The following FSTL4 variants were observed in gnomAD, a reference collection of about 807,000 sequenced individuals.
The protein encoded by FSTL4 is follistatin like 4, also known as follistatin-related protein 4.
A neutral mutation model predicts 78.2 loss-of-function variants in FSTL4; 28 were observed. The observed-to-expected ratio is 0.36, with a 90% CI of 0.27 to 0.49. The LOEUF (loss-of-function observed/expected upper bound fraction) is 0.49. Among genes scored for constraint, FSTL4 ranks in the 20% least tolerant of loss-of-function variants. The pLI, the probability that FSTL4 is intolerant of heterozygous loss-of-function variation, is 0.98. For missense variants in FSTL4, 922 were observed against 1,084.9 expected (o/e 0.85, Z 2.11); for synonymous variants, 422 against 440.5 (o/e 0.96, Z 0.53).
chr5:133,506,439 C>G (rs955230469), intron 3 of FSTL4, among the ~76,000 whole-genome samples: 1 of 151,924 alleles, frequency 6.6e-6, no homozygotes, highest in Non-Finnish European at 1.5e-5. Flanking sequence ...CAGCTCCACT[C>G]GAGAGGAATG....
At chr5:133,658,518 A>C in the FSTL4 span, among the ~76,000 whole-genome samples, 1 of 152,102 alleles carries the variant, frequency 6.6e-6, no homozygotes, top group Admixed American at 6.5e-5. Context: ...ATTTTTAAAA[A>C]TTTGCATTTC....
chr5:133,548,096 T>C (rs1308236471), intron 3 of FSTL4, among the ~76,000 whole-genome samples: 1 of 152,214 alleles, frequency 6.6e-6, no homozygotes, highest in African/African-American at 2.4e-5. Flanking sequence ...TCCCAGACCT[T>C]GCTCTATGTA....
the FSTL4 span, among the ~76,000 whole-genome samples, chr5:133,703,246 C>A: frequency 1.7e-3 from 255 of 152,316 alleles, no homozygotes; most frequent in Middle Eastern, 0.01. Flanking sequence ...CTCTGCATCT[C>A]CTCAAATTCC....
intron 3 of FSTL4, among the ~76,000 whole-genome samples, chr5:133,546,276 G>A (rs1759570535): frequency 6.6e-6 from 1 of 152,144 alleles, no homozygotes; most frequent in South Asian, 2.1e-4. Context: ...GGAGGCCAAG[G>A]TGGGTGGATT....
At chr5:133,541,891 G>A (rs1439186135) in intron 3 of FSTL4, among the ~76,000 whole-genome samples, 2 of 150,666 alleles carry the variant, frequency 1.3e-5, no homozygotes, top group East Asian at 3.9e-4. Context: ...CACTGCTTCT[G>A]TGCCTTCTCA....
chr5:133,784,226 T>G, the FSTL4 span, among the ~76,000 whole-genome samples: 1 of 152,132 alleles, frequency 6.6e-6, no homozygotes, highest in Admixed American at 6.5e-5. Context: ...TTAAAGTAGA[T>G]GGGTAGGGTA....
chr5:133,757,136 GTCCTGCACAAA>G, the FSTL4 span, among the ~76,000 whole-genome samples: 1 of 152,114 alleles, frequency 6.6e-6, no homozygotes, highest in South Asian at 2.1e-4. Context: ...TGCACAAATG[GTCCTGCACAAA>G]TCCTGCACAA....
chr5:133,682,616 T>G, the FSTL4 span, among the ~76,000 whole-genome samples: 1 of 152,194 alleles, frequency 6.6e-6, no homozygotes, highest in East Asian at 1.9e-4. Flanking sequence ...CAACCCAATT[T>G]GTGCACCATT....
At chr5:133,527,467 AC>A (rs1325583940) in intron 3 of FSTL4, among the ~76,000 whole-genome samples, 1 of 127,002 alleles carries the variant, frequency 7.9e-6, no homozygotes, top group African/African-American at 2.8e-5. Flanking sequence ...TGAGATGTGC[AC>A]GTGTACACAC....
intron 7 of FSTL4, among the ~76,000 whole-genome samples, chr5:133,239,159 C>T (rs907425130): frequency 8.5e-5 from 13 of 152,208 alleles, no homozygotes; most frequent in African/African-American, 1.9e-4. Flanking sequence ...GATTTCTTGC[C>T]GGGCCTTAGC....
chr5:133,823,203 G>A, the FSTL4 span, among the ~76,000 whole-genome samples: 10 of 152,112 alleles, frequency 6.6e-5, no homozygotes, highest in Non-Finnish European at 1.5e-4. Context: ...GGTGCTCCTG[G>A]GCCATTCATA....
the FSTL4 span, among the ~76,000 whole-genome samples, chr5:133,807,152 G>A: frequency 1.3e-5 from 2 of 152,236 alleles, no homozygotes; most frequent in African/African-American, 4.8e-5. Context: ...TGGGTCAGAA[G>A]AGGAGGCTAG....
chr5:133,524,316 G>C (rs1759045641), intron 3 of FSTL4, among the ~76,000 whole-genome samples: 1 of 152,174 alleles, frequency 6.6e-6, no homozygotes, highest in Admixed American at 6.5e-5. Flanking sequence ...GACAATTTAG[G>C]AAGATAAATC....
intron 3 of FSTL4, among the ~76,000 whole-genome samples, chr5:133,412,338 A>C (rs970166583): frequency 6.6e-6 from 1 of 152,150 alleles, no homozygotes; most frequent in African/African-American, 2.4e-5. Context: ...ATAAAATAGA[A>C]AACAGGATCC....
At chr5:133,659,204 C>T in the FSTL4 span, among the ~76,000 whole-genome samples, 20 of 152,038 alleles carry the variant, frequency 1.3e-4, no homozygotes, top group African/African-American at 4.8e-4. Flanking sequence ...TGTATTAAAA[C>T]CTGCAGCTAT....
At chr5:133,597,816 G>T (rs995808437) in intron 2 of FSTL4, among the ~76,000 whole-genome samples, 5 of 152,218 alleles carry the variant, frequency 3.3e-5, no homozygotes, top group African/African-American at 1.2e-4. Context: ...CTGGGCCTAG[G>T]GACAGAGATG....
intron 3 of FSTL4, among the ~76,000 whole-genome samples, chr5:133,421,744 C>T (rs984138794): frequency 5.3e-5 from 8 of 152,194 alleles, no homozygotes; most frequent in Admixed American, 3.9e-4. Flanking sequence ...CAGCAAGCTG[C>T]TTTGGGTGGG....
In FSTL4 at chr5:133,236,040, T is replaced by A. The variant is rs1040861027; in HGVS notation, c.895-2503A>T. Among the ~76,000 whole-genome samples the A allele has an allele frequency of 2.0e-5, 3 of 151,870 alleles. No individual in the cohort carries two copies. The highest frequency in any genetic ancestry group is 7.3e-5 in the African/African-American group (3 of 41,312). The stretch of plus-strand genomic sequence containing the variant: ...ACTCCTCAGCGTCCCAGTTGGTGGG[T>A]CCCAGGGCAGACACCATCCGAGAGG... On this transcript the variant is annotated intron_variant, in intron 7 of 15. Coordinates refer to ENST00000265342, the MANE Select transcript of FSTL4 (RefSeq NM_015082.2). This position sits in a 1 kb window ranked among gnomAD's most constrained non-coding sequence, Gnocchi z 5.0.
At chr5:133,455,350 G>C (rs1295186823) in intron 3 of FSTL4, among the ~76,000 whole-genome samples, 1 of 152,206 alleles carries the variant, frequency 6.6e-6, no homozygotes, top group East Asian at 1.9e-4. Context: ...GAAAATAATA[G>C]GCAAGGAAAC....
Sources: gnomAD v4.1 joint callset for allele counts (sites outside exome capture counted in the v4.1 genomes callset) on GRCh38, gnomAD v4.1.1 for gene constraint, Gnocchi (gnomAD v3.1) non-coding constraint, MANE v1.5 for transcripts, NCBI Gene and HGNC (gene_info 2026-07-23, HGNC 2026-07-21) for gene names.